ERBB4: variants seen among roughly 807,000 people sequenced by gnomAD.
The protein encoded by ERBB4 is receptor tyrosine-protein kinase erbB-4.
A neutral mutation model predicts 158.0 loss-of-function variants in ERBB4; 42 were observed. That is an observed-to-expected ratio of 0.27 (90% CI 0.21 to 0.34). The LOEUF is 0.34. ERBB4 is among the 10% of genes least tolerant of loss of function. The probability of loss-of-function intolerance (pLI) is 1.00; values close to 1 mark genes in which losing one functional copy is unlikely to be tolerated. For synonymous variants in ERBB4, 583 were observed against 558.7 expected (o/e 1.04, Z -0.61); for missense variants, 1,333 against 1,624.1 (o/e 0.82, Z 3.08).
At chr2:211,430,001 C>T (rs2063715311) in intron 21 of ERBB4, among the ~76,000 whole-genome samples, 1 of 141,004 alleles carries the variant, frequency 7.1e-6, no homozygotes, top group African/African-American at 2.7e-5. Flanking sequence ...CAGACTACTG[C>T]AATTTGGTAG....
intron 1 of ERBB4, among the ~76,000 whole-genome samples, chr2:212,179,599 C>T (rs990079650): frequency 1.4e-4 from 21 of 151,456 alleles, no homozygotes; most frequent in African/African-American, 5.1e-4. Flanking sequence ...CCTTTAGCTG[C>T]ATTTGTGCCC....
chr2:211,393,740 C>CATGTGTGT lies in ERBB4; in HGVS notation c.3136-5749_3136-5748insACACACAT, dbSNP rs1391184856. Among the ~76,000 whole-genome samples the CATGTGTGT allele has an allele frequency of 1.8e-3, 269 of 146,350 alleles. 1 individual carries two copies. Among genetic ancestry groups the CATGTGTGT allele is most frequent in the Non-Finnish European group, 2.0e-3 (130 of 66,054 alleles). On this transcript the variant is annotated intron_variant, in intron 25 of 27. Coordinates refer to ENST00000342788, the MANE Select transcript of ERBB4 (RefSeq NM_005235.3). ...AACTTTGAGTATTAAGAGTTAATAG[C>CATGTGTGT]GTGTGTGTGTGTGTGTGTGTGTGTG...
intron 2 of ERBB4, among the ~76,000 whole-genome samples, chr2:212,016,633 G>A (rs2076535950): frequency 6.6e-6 from 1 of 151,862 alleles, no homozygotes. Flanking sequence ...GAGAGGGGTG[G>A]ACAAATCTAT....
At position 212,321,430 on chromosome 2, in the gene ERBB4, A is replaced by C. The variant is rs549636624; in HGVS notation, c.83-196527T>G. Among the ~76,000 whole-genome samples, 18 of 150,746 alleles carry C rather than the reference A, an allele frequency of 1.2e-4. 2 individuals are homozygous for C. The South Asian group carries it at 3.8e-3, about 32-fold the overall frequency. On this transcript the variant is annotated intron_variant, in intron 1 of 27. Coordinates refer to ENST00000342788, the MANE Select transcript of ERBB4 (RefSeq NM_005235.3). ...ATGGCAGAATTAAAAATAAAACAACAGACTGGGCATAGTGCGTCATGCCTA... is the reference window on the plus strand; with the variant it reads ...ATGGCAGAATTAAAAATAAAACAACCGACTGGGCATAGTGCGTCATGCCTA...
At chr2:211,941,544 T>C (rs752063441) in intron 3 of ERBB4, among the ~76,000 whole-genome samples, 7 of 152,082 alleles carry the variant, frequency 4.6e-5, no homozygotes, top group Middle Eastern at 3.4e-3. Context: ...AATGAAGGGC[T>C]GGGGCAACAG....
At chr2:211,639,937 G>A (rs886800239) in intron 16 of ERBB4, among the ~76,000 whole-genome samples, 9 of 152,056 alleles carry the variant, frequency 5.9e-5, no homozygotes, top group African/African-American at 2.2e-4. Context: ...TGGCCAGGCT[G>A]GTCTCGAACT....
chr2:211,772,864 TATATACACATATATATATATAC>T (rs1559504449), intron 4 of ERBB4, among the ~76,000 whole-genome samples: 134 of 71,420 alleles, frequency 1.9e-3, no homozygotes, highest in East Asian at 2.8e-3. Flanking sequence ...TATATATATA[TATATACACATATATATATATAC>T]ACACACACAC....
intron 1 of ERBB4, among the ~76,000 whole-genome samples, chr2:212,477,738 G>GC (rs1437117183): frequency 2.6e-5 from 4 of 152,060 alleles, no homozygotes; most frequent in Non-Finnish European, 4.4e-5. Context: ...GCTGCTTCAT[G>GC]CATCTGTTTC....
chr2:211,996,233 C>A (rs2082196908), intron 2 of ERBB4, among the ~76,000 whole-genome samples: 1 of 151,792 alleles, frequency 6.6e-6, no homozygotes, highest in South Asian at 2.1e-4. Flanking sequence ...TGCAAGACTC[C>A]ATATCTTTTC....
At chr2:211,986,915 T>G (rs557129673) in intron 2 of ERBB4, among the ~76,000 whole-genome samples, 11 of 152,282 alleles carry the variant, frequency 7.2e-5, no homozygotes, top group African/African-American at 2.6e-4. Context: ...TACTTCATAT[T>G]CAAACAGATG....
intron 3 of ERBB4, among the ~76,000 whole-genome samples, chr2:211,941,133 A>C (rs1295229817): frequency 6.6e-6 from 1 of 151,604 alleles, no homozygotes; most frequent in African/African-American, 2.4e-5. Flanking sequence ...CTAAAAATGG[A>C]CTCTTCCGAA....
intron 19 of ERBB4, among the ~76,000 whole-genome samples, chr2:211,577,554 A>G (rs1161249313): frequency 6.6e-6 from 1 of 152,156 alleles, no homozygotes; most frequent in South Asian, 2.1e-4. Flanking sequence ...TAGATGAAAA[A>G]ATTCTCAATA....
intron 1 of ERBB4, among the ~76,000 whole-genome samples, chr2:212,355,301 A>G (rs1407889394): frequency 2.0e-5 from 3 of 152,078 alleles, no homozygotes; most frequent in African/African-American, 7.2e-5. Flanking sequence ...TTTGTACTAC[A>G]GTATTGGGCT....
chr2:211,454,432 A>C (rs570666496), intron 20 of ERBB4, among the ~76,000 whole-genome samples: 49 of 152,348 alleles, frequency 3.2e-4, no homozygotes, highest in African/African-American at 1.2e-3. Flanking sequence ...CTCTGACTCT[A>C]TGCTTTACAC....
At chr2:211,534,693 G>A (rs1057181541) in intron 20 of ERBB4, among the ~76,000 whole-genome samples, 10 of 152,004 alleles carry the variant, frequency 6.6e-5, no homozygotes, top group African/African-American at 2.2e-4. Context: ...AAGTCTAAAT[G>A]AGCAGTCAGG....
chr2:212,106,735 T>G (rs1275688607), intron 2 of ERBB4, among the ~76,000 whole-genome samples: 1 of 152,214 alleles, frequency 6.6e-6, no homozygotes, highest in Non-Finnish European at 1.5e-5. Flanking sequence ...TTTATGGGCC[T>G]GGCCCAGGGT....
At chr2:211,782,430 G>GTCAGC (rs71956060) in intron 4 of ERBB4, among the ~76,000 whole-genome samples, 1 of 150,744 alleles carries the variant, frequency 6.6e-6, no homozygotes, top group South Asian at 2.1e-4. Context: ...CAGCTTAGCT[G>GTCAGC]TCAGCTCAGC....
At chr2:211,768,754 AT>A (rs972665600) in intron 4 of ERBB4, among the ~76,000 whole-genome samples, 4 of 142,852 alleles carry the variant, frequency 2.8e-5, no homozygotes, top group East Asian at 3.9e-4. Flanking sequence ...CCATGAAACC[AT>A]TTTTTCCTCC....
chr2:211,820,808 G>A (rs1012530538), intron 3 of ERBB4, among the ~76,000 whole-genome samples: 1 of 151,766 alleles, frequency 6.6e-6, no homozygotes, highest in Non-Finnish European at 1.5e-5. Context: ...AACATGACAC[G>A]TCACCTCAAC....
Sources: gnomAD v4.1 joint callset for allele counts (sites outside exome capture counted in the v4.1 genomes callset) on GRCh38, gnomAD v4.1.1 for gene constraint, MANE v1.5 for transcripts, NCBI Gene and HGNC (gene_info 2026-07-23, HGNC 2026-07-21) for gene names.